Variants in DIP2B observed in about 807,000 individuals in gnomAD.
DIP2B encodes disco-interacting protein 2 homolog B.
In DIP2B, 76 loss-of-function variants were observed where a neutral mutation model predicts 198.0. That is an observed-to-expected ratio of 0.38 (90% CI 0.32 to 0.46). The LOEUF (loss-of-function observed/expected upper bound fraction) is 0.46, where lower values mean the gene tolerates loss of function less well. Among genes scored for constraint, DIP2B ranks in the 20% least tolerant of loss-of-function variants. DIP2B has a pLI of 0.99. For synonymous variants in DIP2B, 701 were observed against 739.1 expected (o/e 0.95, Z 0.84); for missense variants, 1,559 against 1,978.4 (o/e 0.79, Z 4.02).
Position 50,714,509 on chromosome 12 carries a change from C to T in DIP2B, c.2764C>T (p.Leu922=). 6.2e-7 allele frequency: 1 copy of T among 1,614,180 alleles called. No homozygotes were observed. Among genetic ancestry groups the T allele is most frequent in the Non-Finnish European group, 8.5e-7 (1 of 1,180,032 alleles). ...TATATCTCAGACGAAACAACTCTTTCTGGAGGGATCACTGCATCCTTGCAA... is the reference window on the plus strand; with the variant it reads ...TATATCTCAGACGAAACAACTCTTTTTGGAGGGATCACTGCATCCTTGCAA... ...IHISQTKQLF[L]EGSLHPCNIL... Residue 922 remains leucine (L), a synonymous_variant, in exon 23 of 38, where the codon CTG becomes TTG. Transcript: ENST00000301180.
At chr12:50,578,866 G>A (rs1958688493) in intron 1 of DIP2B, among the ~76,000 whole-genome samples, 2 of 152,030 alleles carry the variant, frequency 1.3e-5, no homozygotes, top group South Asian at 2.1e-4. Context: ...GGCCAGGTGC[G>A]GAAAATTTTA....
At chr12:50,647,117 A>G (rs1222299942) in intron 3 of DIP2B, among the ~76,000 whole-genome samples, 2 of 151,934 alleles carry the variant, frequency 1.3e-5, no homozygotes, top group South Asian at 2.1e-4. Context: ...GAGTGACACA[A>G]TCTCGTCTCA....
At chr12:50,518,986 C>T (rs765003999) in intron 1 of DIP2B, among the ~76,000 whole-genome samples, 2 of 152,172 alleles carry the variant, frequency 1.3e-5, no homozygotes, top group Non-Finnish European at 2.9e-5. Flanking sequence ...TCAAGCAGTC[C>T]TCCTGCCTTG....
chr12:50,551,277 A>G (rs1028295580), intron 1 of DIP2B, among the ~76,000 whole-genome samples: 3 of 152,098 alleles, frequency 2.0e-5, no homozygotes, highest in African/African-American at 7.2e-5. Flanking sequence ...TACAAAAATT[A>G]GCCAGGCATA....
At chr12:50,715,634 C>T (rs1432812859) in intron 23 of DIP2B, among the ~76,000 whole-genome samples, 1 of 152,230 alleles carries the variant, frequency 6.6e-6, no homozygotes, top group Non-Finnish European at 1.5e-5. Context: ...TCATTAGCAA[C>T]TGCCCCAGGG....
At chr12:50,639,790 A>T (rs899062808) in intron 2 of DIP2B, among the ~76,000 whole-genome samples, 4 of 152,194 alleles carry the variant, frequency 2.6e-5, no homozygotes, top group African/African-American at 9.6e-5. Flanking sequence ...GACAACATGG[A>T]TGAACCTGGA....
intron 1 of DIP2B, among the ~76,000 whole-genome samples, chr12:50,590,501 C>T (rs1198468488): frequency 3.3e-5 from 5 of 152,106 alleles, no homozygotes; most frequent in South Asian, 2.1e-4. Flanking sequence ...TCCTGAGTAG[C>T]TGGGATTACA....
intron 15 of DIP2B, among the ~76,000 whole-genome samples, 181 bp from the exon 16 acceptor site, chr12:50,695,667 A>G (rs1205039160): frequency 3.9e-5 from 6 of 152,174 alleles, no homozygotes; most frequent in Admixed American, 6.5e-5. Context: ...AGGTCCAGTC[A>G]GTTGTCTAAA....
intron 1 of DIP2B, among the ~76,000 whole-genome samples, chr12:50,553,131 C>T (rs1441901171): frequency 1.3e-5 from 2 of 152,158 alleles, no homozygotes; most frequent in African/African-American, 2.4e-5. Context: ...CCACTGCACC[C>T]GGCCTGAGTT....
At chr12:50,695,738 C>G in intron 15 of DIP2B, 110 bp from the exon 16 acceptor site, 1 of 1,463,966 alleles carries the variant, frequency 6.8e-7, no homozygotes, top group Non-Finnish European at 9.3e-7. Context: ...TTTATCTTCT[C>G]CAAGCAAATA....
chr12:50,645,361 A>G lies in DIP2B; in HGVS notation c.301+4509A>G, dbSNP rs374191007. ...TTGTTGTAGTATTGTGTATAATACAATGGTTAAATAAGTCATAGAATGTTC... is the reference window on the plus strand; with the variant it reads ...TTGTTGTAGTATTGTGTATAATACAGTGGTTAAATAAGTCATAGAATGTTC... On this transcript the variant is annotated intron_variant, in intron 3 of 37. Coordinates refer to ENST00000301180, the MANE Select transcript of DIP2B (RefSeq NM_173602.3). 2.4e-4 allele frequency among the ~76,000 whole-genome samples: 36 copies of G among 152,310 alleles called. No homozygotes were observed. In the East Asian group the frequency reaches 3.7e-3, roughly 15 times the overall value.
intron 1 of DIP2B, among the ~76,000 whole-genome samples, chr12:50,547,056 A>G (rs950818405): frequency 6.6e-6 from 1 of 152,152 alleles, no homozygotes; most frequent in African/African-American, 2.4e-5. Context: ...TCGTGGTACT[A>G]TTAACCACCA....
intron 1 of DIP2B, among the ~76,000 whole-genome samples, chr12:50,506,122 ATGTGATCAGGCTTCTGGGGCAGT>A (rs1226842288): frequency 1.2e-4 from 19 of 152,142 alleles, no homozygotes; most frequent in Admixed American, 6.5e-5. Context: ...CGTTGTGGGC[ATGTGATCAGGCTTCTGGGGCAGT>A]TGTGATCAGT....
chr12:50,651,913 C>T (rs1325489290), intron 3 of DIP2B, among the ~76,000 whole-genome samples: 2 of 152,100 alleles, frequency 1.3e-5, no homozygotes, highest in Non-Finnish European at 2.9e-5. Flanking sequence ...GGTGCGGTGG[C>T]TCACGCCTGT....
chr12:50,721,476 GC>G, intron 26 of DIP2B, 80 bp downstream of exon 26: 2 of 1,576,734 alleles, frequency 1.3e-6, no homozygotes, highest in Non-Finnish European at 1.7e-6. Context: ...GGCACTCAGA[GC>G]TACTCTCTAT....
intron 5 of DIP2B, among the ~76,000 whole-genome samples, chr12:50,673,525 G>A (rs555357954): frequency 2.5e-4 from 38 of 152,262 alleles, no homozygotes; most frequent in Admixed American, 1.4e-3. Context: ...GGTGGCACAC[G>A]CCTGTAATCC....
At chr12:50,732,631 C>A (rs1480695590) in intron 32 of DIP2B, 95 bp downstream of exon 32, 8 of 1,481,992 alleles carry the variant, frequency 5.4e-6, no homozygotes, top group Non-Finnish European at 7.4e-6. Flanking sequence ...TGGGCTTGGG[C>A]CCCAGCCGCA....
At chr12:50,683,387 A>G in intron 10 of DIP2B, 139 bp downstream of exon 10, 1 of 629,978 alleles carries the variant, frequency 1.6e-6, no homozygotes, top group South Asian at 2.0e-5. Context: ...AAAACAGGAA[A>G]TTTGTAGAAA....
chr12:50,608,778 A>G (rs1959006244), intron 1 of DIP2B, among the ~76,000 whole-genome samples: 1 of 152,230 alleles, frequency 6.6e-6, no homozygotes, highest in South Asian at 2.1e-4. Context: ...TCAAAGAAGT[A>G]AACCATATTT....
Sources: gnomAD v4.1 joint callset for allele counts (sites outside exome capture counted in the v4.1 genomes callset) on GRCh38, gnomAD v4.1.1 for gene constraint, MANE v1.5 for transcripts, NCBI Gene and HGNC (gene_info 2026-07-23, HGNC 2026-07-21) for gene names.